Variants in JAKMIP3 observed in about 807,000 individuals in gnomAD.
JAKMIP3 encodes the protein janus kinase and microtubule-interacting protein 3.
JAKMIP3 carries 58 observed loss-of-function variants against 118.5 expected under a neutral mutation model. The ratio of observed to expected loss-of-function variants is 0.49; its 90% CI spans 0.40 to 0.61. The LOEUF is 0.61. Among genes scored for constraint, JAKMIP3 ranks in the 20% least tolerant of loss-of-function variants. The pLI is 0.00. For missense variants in JAKMIP3, 950 were observed against 1,109.0 expected, an observed-to-expected ratio of 0.86 and a Z score of 2.04; for synonymous variants, 486 against 451.2, an observed-to-expected ratio of 1.08 and a Z score of -0.98.
intron 1 of JAKMIP3, among the ~76,000 whole-genome samples, chr10:132,073,423 G>C (rs1037013857): frequency 1.3e-5 from 2 of 151,602 alleles, no homozygotes; most frequent in East Asian, 3.9e-4. Context: ...CTGACCTTGT[G>C]ATCCACCCAC....
At chr10:132,104,492 T>C (rs11146174) in intron 1 of JAKMIP3, among the ~76,000 whole-genome samples, 180 bp from the exon 2 acceptor site, 35,161 of 152,182 alleles carry the variant, frequency 0.23, 4,711 homozygotes, top group African/African-American at 0.38. Flanking sequence ...GGGCACCATA[T>C]GGCGGGCAGA....
intron 14 of JAKMIP3, among the ~76,000 whole-genome samples, chr10:132,149,051 G>C (rs1239785424): frequency 6.6e-6 from 1 of 152,134 alleles, no homozygotes; most frequent in Non-Finnish European, 1.5e-5. Flanking sequence ...GGCTCCTCTG[G>C]TCAGACCTGA....
intron 13 of JAKMIP3, among the ~76,000 whole-genome samples, chr10:132,146,868 T>C (rs562194356): frequency 1.3e-5 from 2 of 152,308 alleles, no homozygotes; most frequent in African/African-American, 2.4e-5. Flanking sequence ...GTGCTGTGTG[T>C]GCCACGTAAA....
intron 19 of JAKMIP3, among the ~76,000 whole-genome samples, chr10:132,157,837 G>A (rs930343481): frequency 6.6e-6 from 1 of 152,054 alleles, no homozygotes; most frequent in African/African-American, 2.4e-5. Flanking sequence ...ATTTCACCCA[G>A]CTTGTTGTTG....
chr10:132,044,680 C>T lies in JAKMIP3; in HGVS notation c.-138+7942C>T, dbSNP rs1331637619. On this transcript the variant is annotated intron_variant, in intron 1 of 23. Coordinates refer to the JAKMIP3 transcript ENST00000657785. This position sits in a 1 kb window ranked among gnomAD's most constrained non-coding sequence, Gnocchi z 5.3. ...ATGGAGGTTTTGTTTTAAATTGTGG[C>T]GAAATACACATACAAGTCACCATCT... Among the ~76,000 whole-genome samples, 4 of 151,998 alleles carry T rather than the reference C, an allele frequency of 2.6e-5. No homozygotes were observed. Among genetic ancestry groups the T allele is most frequent in the East Asian group, 1.9e-4 (1 of 5,180 alleles).
At chr10:132,072,445 G>A (rs1262439322) in intron 1 of JAKMIP3, among the ~76,000 whole-genome samples, 5 of 152,066 alleles carry the variant, frequency 3.3e-5, no homozygotes, top group African/African-American at 1.2e-4. Context: ...TGAGGCTGGA[G>A]GATCACTTGA....
At chr10:132,138,213 C>T (rs746701770) in intron 9 of JAKMIP3, 35 bp downstream of exon 9, 18 of 1,571,556 alleles carry the variant, frequency 1.1e-5, no homozygotes, top group African/African-American at 2.9e-5. Flanking sequence ...GCGGAGAGTA[C>T]GCCGGGTGTG....
intron 22 of JAKMIP3, among the ~76,000 whole-genome samples, chr10:132,167,423 G>A (rs1359852729): frequency 6.6e-6 from 1 of 152,200 alleles, no homozygotes; most frequent in African/African-American, 2.4e-5. Flanking sequence ...CGGTGGTTCT[G>A]TGATTCGTCC....
At chr10:132,175,204 T>G (rs1738637679) in intron 23 of JAKMIP3, among the ~76,000 whole-genome samples, 1 of 152,208 alleles carries the variant, frequency 6.6e-6, no homozygotes, top group Non-Finnish European at 1.5e-5. Context: ...AAATATTTTC[T>G]CCCATTTCCT....
At chr10:132,077,225 TC>T (rs35949370) in intron 1 of JAKMIP3, among the ~76,000 whole-genome samples, 23,736 of 152,124 alleles carry the variant, frequency 0.16, 2,158 homozygotes, top group East Asian at 0.31. Flanking sequence ...CTTCCCCCTC[TC>T]CCGGTGACCT....
In JAKMIP3 at chr10:132,152,940, T is replaced by G. The variant is rs2056479206; in HGVS notation, c.2008-18T>G. ...GGCACTGCTTCTGACCGCACCTGTG[T>G]TCTGCTTTTGGGTGCAGAACCTGAC... On this transcript the variant is annotated intron_variant, in intron 16 of 23. Transcript: ENST00000684848. The G allele has an allele frequency of 6.9e-6, 11 of 1,594,628 alleles. No individual in the cohort carries two copies. Among genetic ancestry groups the G allele is most frequent in the Non-Finnish European group, 9.4e-6 (11 of 1,170,354 alleles).
In JAKMIP3 at chr10:132,136,033, T is replaced by C; in HGVS notation, c.1073T>C (p.Met358Thr). The part of the protein sequence containing the change: ...NEDLSHALRR[M>T]ENKLKFVTQE... ...GATTTGTCTCATGCTTTACGCCGAA[T>C]GGAAAACAAGTTAAAATTTGTCACC... is the stretch of plus-strand genomic sequence containing the variant. The change falls in exon 6 of 24, where the codon ATG becomes ACG. Residue 358 changes from methionine (M) to threonine (T), a missense_variant. Coordinates refer to ENST00000684848, the MANE Select transcript of JAKMIP3 (RefSeq NM_001323087.2). The C allele has an allele frequency of 6.2e-7, 1 of 1,613,538 alleles. No individual in the cohort carries two copies.
chr10:132,180,413 C>T (rs2060633426), intron 23 of JAKMIP3, among the ~76,000 whole-genome samples: 1 of 102,860 alleles, frequency 9.7e-6, no homozygotes, highest in Non-Finnish European at 1.7e-5. Context: ...GGGACAGTGC[C>T]CAGAAAGGGG....
At chr10:132,084,504 C>T (rs2042148047) in intron 1 of JAKMIP3, among the ~76,000 whole-genome samples, 3 of 152,204 alleles carry the variant, frequency 2.0e-5, no homozygotes, top group Admixed American at 2.0e-4. Context: ...TCGACTTCCT[C>T]TTTATGGATT....
intron 1 of JAKMIP3, among the ~76,000 whole-genome samples, chr10:132,094,466 C>T (rs1031959150): frequency 2.6e-5 from 4 of 152,120 alleles, no homozygotes; most frequent in African/African-American, 9.7e-5. Flanking sequence ...TGATGTAGGG[C>T]TCTGCTCCTT....
chr10:132,046,647 G>C (rs1159767067), intron 1 of JAKMIP3, among the ~76,000 whole-genome samples: 1 of 152,162 alleles, frequency 6.6e-6, no homozygotes, highest in Non-Finnish European at 1.5e-5. Flanking sequence ...TTTAAATCAA[G>C]CTGTCATGAA....
chr10:132,061,336 G>A (rs928399933), upstream of JAKMIP3, among the ~76,000 whole-genome samples: 2 of 152,180 alleles, frequency 1.3e-5, no homozygotes, highest in African/African-American at 2.4e-5. Context: ...TGCATCACAC[G>A]TTGTGCAAAA....
rs10636960 is a variant in JAKMIP3 at position 132,111,349 on chromosome 10, A to ACCC, written c.136-5722_136-5720dup. 5.4e-4 allele frequency among the ~76,000 whole-genome samples: 81 copies of ACCC among 151,316 alleles called. 1 individual carries two copies. The East Asian group carries it at 7.9e-3, about 15-fold the overall frequency. ...CTGAGGAAGTGGCCTTGGAGCAGAG[A>ACCC]CCCCCCCCATGAGCACAGCAAGGTC... On this transcript the variant is annotated intron_variant, in intron 2 of 23. Coordinates refer to ENST00000684848, the MANE Select transcript of JAKMIP3 (RefSeq NM_001323087.2).
intron 1 of JAKMIP3, among the ~76,000 whole-genome samples, chr10:132,043,791 C>T (rs1292797092): frequency 1.3e-5 from 2 of 152,166 alleles, no homozygotes; most frequent in East Asian, 1.9e-4. Flanking sequence ...AATTCTCTGC[C>T]CCGCCCTGGG....
Sources: allele counts gnomAD v4.1 joint callset (sites outside exome capture counted in the v4.1 genomes callset), GRCh38; gene constraint gnomAD v4.1.1; non-coding constraint Gnocchi (gnomAD v3.1); transcripts MANE v1.5; gene names NCBI Gene and HGNC (gene_info 2026-07-23, HGNC 2026-07-21).